CARF: variants seen among roughly 807,000 people sequenced by gnomAD.
CARF encodes calcium responsive transcription factor.
CARF carries 57 observed loss-of-function variants against 82.0 expected under a neutral mutation model. The ratio of observed to expected loss-of-function variants is 0.70; its 90% CI spans 0.56 to 0.87. CARF has a LOEUF of 0.87. Among genes scored for constraint, CARF ranks in the 40% least tolerant of loss-of-function variants. The probability of loss-of-function intolerance (pLI) is 0.00; values close to 1 mark genes in which losing one functional copy is unlikely to be tolerated. For missense variants in CARF, 771 were observed against 855.8 expected (o/e 0.90, Z 1.24); for synonymous variants, 268 against 290.1 (o/e 0.92, Z 0.77).
At chr2:202,978,055 A>G (rs2060104389) in intron 14 of CARF, among the ~76,000 whole-genome samples, 1 of 152,154 alleles carries the variant, frequency 6.6e-6, no homozygotes, top group African/African-American at 2.4e-5. Flanking sequence ...CATGCTGGCC[A>G]ATCTGATCTC....
chr2:202,967,196 TAC>T, intron 10 of CARF, 98 bp downstream of exon 10: 1 of 1,303,628 alleles, frequency 7.7e-7, no homozygotes, highest in Non-Finnish European at 1.0e-6. Flanking sequence ...CCAAAAAGTA[TAC>T]AGTGAATTCT....
intron 5 of CARF, among the ~76,000 whole-genome samples, chr2:202,948,425 T>C (rs2058603273): frequency 6.6e-6 from 1 of 152,184 alleles, no homozygotes; most frequent in African/African-American, 2.4e-5. Context: ...TAGCATTGAA[T>C]CTGTGAATTG....
At chr2:202,964,874 CAT>C (rs1484063526) in intron 9 of CARF, among the ~76,000 whole-genome samples, 2 of 123,078 alleles carry the variant, frequency 1.6e-5, no homozygotes, top group South Asian at 2.8e-4. Context: ...TATATATATA[CAT>C]ATATGTGTAT....
chr2:202,953,451 GTCTT>G (rs2058852008), intron 6 of CARF, among the ~76,000 whole-genome samples: 1 of 127,728 alleles, frequency 7.8e-6, no homozygotes, highest in Admixed American at 8.0e-5. Flanking sequence ...TCCTTGTATA[GTCTT>G]TCTTTACCTG....
At chr2:202,955,237 A>C (rs961367585) in intron 7 of CARF, among the ~76,000 whole-genome samples, 6 of 152,166 alleles carry the variant, frequency 3.9e-5, no homozygotes, top group African/African-American at 1.4e-4. Context: ...AGTATTTTTG[A>C]ATTAAGACAT....
Position 202,937,071 on chromosome 2 carries a change from T to C in CARF, c.-43-4789T>C, listed in dbSNP as rs566087728. Among the ~76,000 whole-genome samples the C allele has an allele frequency of 1.8e-4, 28 of 152,336 alleles. No individual in the cohort carries two copies. In the East Asian group the frequency reaches 5.4e-3, roughly 29 times the overall value. ...AAGATAGTATTCTTTCCTCATCAAA[T>C]GCTTTTGGCACCCTTGTCAAAAATA... is the stretch of plus-strand genomic sequence containing the variant. On this transcript the variant is annotated intron_variant, in intron 3 of 16. Coordinates refer to ENST00000438828, the MANE Select transcript of CARF (RefSeq NM_024744.17).
chr2:202,969,823 TA>T, intron 10 of CARF, 95 bp from the exon 11 acceptor site: 1 of 777,978 alleles, frequency 1.3e-6, no homozygotes, highest in Non-Finnish European at 1.9e-6. Flanking sequence ...GAATTTTCTC[TA>T]AGCTTAAATG....
At chr2:202,929,327 T>TA (rs1231587039) in intron 3 of CARF, among the ~76,000 whole-genome samples, 1 of 152,218 alleles carries the variant, frequency 6.6e-6, no homozygotes, top group African/African-American at 2.4e-5. Flanking sequence ...GTCTCACATT[T>TA]AAGTCTTTAA....
chr2:202,978,941 C>T (rs2060137521), intron 14 of CARF, among the ~76,000 whole-genome samples: 1 of 152,014 alleles, frequency 6.6e-6, no homozygotes, highest in African/African-American at 2.4e-5. Context: ...TAGTGAAATA[C>T]ATGAGCAAAA....
intron 3 of CARF, among the ~76,000 whole-genome samples, chr2:202,938,806 G>T (rs2058077512): frequency 6.6e-6 from 1 of 151,656 alleles, no homozygotes; most frequent in South Asian, 2.1e-4. Flanking sequence ...TCTCAAACTT[G>T]TGGGCTCAAG....
At chr2:202,942,699 A>G (rs776571239) in intron 4 of CARF, 41 bp from the exon 5 acceptor site, 2 of 1,410,476 alleles carry the variant, frequency 1.4e-6, no homozygotes, top group East Asian at 4.7e-5. Flanking sequence ...TTTAAAAAAA[A>G]TGGTGATAGA....
intron 5 of CARF, among the ~76,000 whole-genome samples, chr2:202,950,332 A>G (rs1371126283): frequency 6.6e-6 from 1 of 152,116 alleles, no homozygotes; most frequent in Non-Finnish European, 1.5e-5. Context: ...ACTTATAAAA[A>G]CTTATTTGTG....
chr2:202,980,225 T>C (rs532939888), intron 14 of CARF, among the ~76,000 whole-genome samples: 1 of 152,144 alleles, frequency 6.6e-6, no homozygotes, highest in Non-Finnish European at 1.5e-5. Flanking sequence ...CCTAAAGTGC[T>C]GAGATTACAA....
At chr2:202,930,171 C>T (rs1692631844) in intron 3 of CARF, among the ~76,000 whole-genome samples, 1 of 152,168 alleles carries the variant, frequency 6.6e-6, no homozygotes, top group African/African-American at 2.4e-5. Flanking sequence ...CCTTAGCCTC[C>T]TGAATAGCCG....
intron 1 of CARF, among the ~76,000 whole-genome samples, chr2:202,914,779 C>CAAAAA (rs1251429747): frequency 7.3e-5 from 3 of 41,144 alleles, no homozygotes; most frequent in African/African-American, 1.6e-4. Context: ...AACTCCATCT[C>CAAAAA]AAAAAAAAAA....
At chr2:202,967,226 C>A (rs1316336222) in intron 10 of CARF, 128 bp downstream of exon 10, 2 of 1,044,766 alleles carry the variant, frequency 1.9e-6, no homozygotes, top group African/African-American at 1.6e-5. Flanking sequence ...CTCTTACCCA[C>A]ATTTGTTCTG....
intron 5 of CARF, among the ~76,000 whole-genome samples, chr2:202,948,521 T>G (rs1440144408): frequency 3.9e-5 from 6 of 152,208 alleles, no homozygotes; most frequent in Non-Finnish European, 7.3e-5. Flanking sequence ...GTATCTTCTC[T>G]GATTTATTTG....
At chr2:202,939,676 CCTTT>C (rs2058123327) in intron 3 of CARF, among the ~76,000 whole-genome samples, 1 of 147,124 alleles carries the variant, frequency 6.8e-6, no homozygotes, top group African/African-American at 2.5e-5. Flanking sequence ...TTACCCATTG[CCTTT>C]TTTTCTTTTT....
intron 5 of CARF, among the ~76,000 whole-genome samples, chr2:202,944,617 T>G (rs769166373): frequency 2.6e-5 from 4 of 152,226 alleles, no homozygotes; most frequent in Non-Finnish European, 5.9e-5. Context: ...GTTCAGGTTT[T>G]CTGGGCCTAT....
Sources: allele counts gnomAD v4.1 joint callset (sites outside exome capture counted in the v4.1 genomes callset), GRCh38; gene constraint gnomAD v4.1.1; transcripts MANE v1.5; gene names NCBI Gene and HGNC (gene_info 2026-07-23, HGNC 2026-07-21).